The following TRIQK variants were observed in gnomAD, a reference collection of about 807,000 sequenced individuals.
TRIQK encodes triple QxxK/R motif-containing protein.
A neutral mutation model predicts 10.8 loss-of-function variants in TRIQK; 10 were observed. The ratio of observed to expected loss-of-function variants is 0.92; its 90% confidence interval spans 0.57 to 1.57. The LOEUF (loss-of-function observed/expected upper bound fraction) is 1.57, where lower values mean the gene tolerates loss of function less well. Ranked by LOEUF, TRIQK falls within the 40% of genes most tolerant of loss-of-function variation. TRIQK has a pLI of 0.00. For missense variants in TRIQK, 107 were observed against 97.7 expected, an observed-to-expected ratio of 1.09 and a Z score of -0.40; for synonymous variants, 33 against 33.7, an observed-to-expected ratio of 0.98 and a Z score of 0.07.
At chr8:92,949,769 AAGGAAAGAAAGAAAAAGAAAG>A in intron 2 of TRIQK, among the ~76,000 whole-genome samples, 1 of 109,926 alleles carries the variant, frequency 9.1e-6, no homozygotes, top group Admixed American at 9.1e-5. Flanking sequence ...AAAGAAAGAG[AAGGAAAGAAAGAAAAAGAAAG>A]AAAGAAAGAA....
intron 1 of TRIQK, among the ~76,000 whole-genome samples, chr8:93,005,062 C>G (rs897443449): frequency 5.0e-5 from 7 of 140,684 alleles, no homozygotes; most frequent in African/African-American, 2.1e-4. Context: ...ATCTTTATAG[C>G]AATGCCTGAA....
At chr8:92,974,662 T>A (rs1812912047) in intron 1 of TRIQK, 3 of 152,206 alleles carry the variant, frequency 2.0e-5, no homozygotes, top group African/African-American at 2.4e-5. Flanking sequence ...CATCCAGCAA[T>A]CTCATCAATT....
At chr8:92,977,184 TTTC>T in intron 1 of TRIQK, among the ~76,000 whole-genome samples, 1 of 152,062 alleles carries the variant, frequency 6.6e-6, no homozygotes, top group African/African-American at 2.4e-5. Flanking sequence ...TGATGAAGTC[TTTC>T]ACCTTTTGTA....
rs1398942664 is a variant in TRIQK, at chr8:92,884,029, T to G, written c.*2593A>C. ...TATATTTTAAGTCTATTGCATTAGT[T>G]GAAATTTATTTTGCAGAGTATGTTA... On this transcript the variant is annotated 3_prime_UTR_variant, in exon 5 of 5. Coordinates refer to ENST00000521988, the MANE Select transcript of TRIQK (RefSeq NM_001171797.2). The G allele has an allele frequency of 6.6e-6, 1 of 151,818 alleles. No individual in the cohort carries two copies. Among genetic ancestry groups the G allele is most frequent in the East Asian group, 1.9e-4 (1 of 5,160 alleles). The allele number at this position is 151,818 out of a possible 1,614,324, so 9.4% of individuals were successfully genotyped here.
intron 1 of TRIQK, among the ~76,000 whole-genome samples, chr8:93,013,526 G>T (rs1391713040): frequency 6.6e-6 from 1 of 151,894 alleles, no homozygotes; most frequent in Non-Finnish European, 1.5e-5. Context: ...ATTAAAAGAG[G>T]GCTTTTAGAT....
intron 1 of TRIQK, among the ~76,000 whole-genome samples, chr8:93,002,748 C>T (rs1239036571): frequency 2.6e-5 from 4 of 151,950 alleles, no homozygotes; most frequent in African/African-American, 4.8e-5. Context: ...GGCGAAACCC[C>T]ATCTCTACTA....
chr8:92,920,133 C>T (rs558129078), intron 2 of TRIQK, among the ~76,000 whole-genome samples: 1 of 151,500 alleles, frequency 6.6e-6, no homozygotes, highest in African/African-American at 2.4e-5. Context: ...TTTATTTCTG[C>T]TCTATAAGTT....
In TRIQK at chr8:92,912,216, C is replaced by T. The variant is rs546947445; in HGVS notation, c.61+4713G>A. 1.7e-3 allele frequency among the ~76,000 whole-genome samples: 260 copies of T among 151,748 alleles called. 2 individuals are homozygous for T. Among genetic ancestry groups the T allele is most frequent in the African/African-American group, 5.8e-3 (242 of 41,480 alleles). On this transcript the variant is annotated intron_variant, in intron 3 of 4. Transcript: ENST00000521988. ...AACAGATTTAAGAAGACTGAAATTACTCCAAGTATCTTTTATGAGCACAAT... is the reference window on the plus strand; with the variant it reads ...AACAGATTTAAGAAGACTGAAATTATTCCAAGTATCTTTTATGAGCACAAT...
chr8:92,940,788 G>A (rs547695073), intron 2 of TRIQK, among the ~76,000 whole-genome samples: 2 of 152,208 alleles, frequency 1.3e-5, no homozygotes, highest in South Asian at 4.1e-4. Flanking sequence ...CCTAACAGAT[G>A]TTTACAGAAT....
At chr8:93,013,781 A>C (rs2130764909) in intron 1 of TRIQK, among the ~76,000 whole-genome samples, 1 of 152,280 alleles carries the variant, frequency 6.6e-6, no homozygotes, top group Non-Finnish European at 1.5e-5. Flanking sequence ...AAATAATAAT[A>C]ATTGCTAGCA....
chr8:92,938,936 T>C (rs1727490151), intron 2 of TRIQK, among the ~76,000 whole-genome samples: 1 of 152,246 alleles, frequency 6.6e-6, no homozygotes, highest in African/African-American at 2.4e-5. Flanking sequence ...CATTTTTTGC[T>C]GGTAGTTCCA....
chr8:93,013,880 T>G (rs1041920716), intron 1 of TRIQK, among the ~76,000 whole-genome samples: 1 of 152,126 alleles, frequency 6.6e-6, no homozygotes, highest in African/African-American at 2.4e-5. Context: ...AGATGTCAGT[T>G]TCAAGCTTCC....
intron 2 of TRIQK, among the ~76,000 whole-genome samples, chr8:92,938,240 T>C (rs1811089410): frequency 6.6e-6 from 1 of 152,036 alleles, no homozygotes; most frequent in East Asian, 1.9e-4. Context: ...TCTTTAGGTT[T>C]ACCTTTTTAT....
chr8:92,988,000 CTTTTTTTT>C (rs549776227), intron 1 of TRIQK, among the ~76,000 whole-genome samples: 1 of 57,580 alleles, frequency 1.7e-5, no homozygotes, highest in Admixed American at 2.6e-4. Flanking sequence ...TTTATACTTT[CTTTTTTTT>C]TTTTTTTTTT....
chr8:92,993,071 A>C (rs953137722), intron 1 of TRIQK, among the ~76,000 whole-genome samples: 1 of 152,222 alleles, frequency 6.6e-6, no homozygotes, highest in Non-Finnish European at 1.5e-5. Context: ...GGATCTTCTA[A>C]GAGACCTATT....
chr8:92,926,494 T>C (rs1188879419), intron 2 of TRIQK: 1 of 152,180 alleles, frequency 6.6e-6, no homozygotes, highest in Admixed American at 6.5e-5. Flanking sequence ...TGTTATACTT[T>C]GTTTTTACTC....
chr8:92,970,113 G>A (rs1349664047), upstream of TRIQK, among the ~76,000 whole-genome samples: 2 of 152,144 alleles, frequency 1.3e-5, no homozygotes, highest in Non-Finnish European at 2.9e-5. Context: ...TTCCTGCAAA[G>A]GACATGATCT....
intron 1 of TRIQK, among the ~76,000 whole-genome samples, chr8:93,005,535 T>A (rs1813260128): frequency 6.6e-6 from 1 of 152,116 alleles, no homozygotes; most frequent in Admixed American, 6.5e-5. Context: ...TGTGATAGAT[T>A]AACAATAGGA....
At chr8:92,902,690 T>C (rs1268806822) in intron 3 of TRIQK, among the ~76,000 whole-genome samples, 1 of 152,132 alleles carries the variant, frequency 6.6e-6, no homozygotes, top group African/African-American at 2.4e-5. Flanking sequence ...ATAGCCTATA[T>C]TTAAGTAATT....
Sources: allele counts gnomAD v4.1 joint callset (sites outside exome capture counted in the v4.1 genomes callset), GRCh38; gene constraint gnomAD v4.1.1; transcripts MANE v1.5; gene names NCBI Gene and HGNC (gene_info 2026-07-23, HGNC 2026-07-21).